Variants in DZIP3 observed in about 807,000 individuals in gnomAD.
The protein encoded by DZIP3 is E3 ubiquitin-protein ligase DZIP3.
In DZIP3, 118 loss-of-function variants were observed where a neutral mutation model predicts 162.0. The ratio of observed to expected loss-of-function variants is 0.73; its 90% confidence interval spans 0.63 to 0.85. DZIP3 has a LOEUF of 0.85. Ranked by LOEUF, DZIP3 falls within the 40% of genes least tolerant of loss-of-function variation. The pLI is 0.00. For synonymous variants in DZIP3, 438 were observed against 458.6 expected (o/e 0.96, Z 0.57); for missense variants, 1,331 against 1,407.0 (o/e 0.95, Z 0.86).
At position 108,693,384 on chromosome 3, in the gene DZIP3, A is replaced by G. The variant is rs1044558358; in HGVS notation, c.*31A>G. 6 of 152,100 alleles carry G rather than the reference A, an allele frequency of 3.9e-5. No individual in the cohort carries two copies. Among genetic ancestry groups the G allele is most frequent in the African/African-American group, 7.2e-5 (3 of 41,422 alleles). 9.4% of individuals were successfully genotyped at this position (152,100 alleles called of 1,614,324 possible). A position where few individuals can be genotyped will look rare whatever the true frequency, so the allele number is the denominator to read the frequency against. ...GGTACCCATGAAGAGATTATGAACT[A>G]CTTGAAGGTGGAGACTGTACGGTGG... On this transcript the variant is annotated 3_prime_UTR_variant, in exon 33 of 33. Transcript: ENST00000361582.
At chr3:108,634,147 CTAT>C (rs1393267554) in intron 9 of DZIP3, among the ~76,000 whole-genome samples, 1 of 152,036 alleles carries the variant, frequency 6.6e-6, no homozygotes. Flanking sequence ...AGACCAAGAT[CTAT>C]TCAATAGAAT....
chr3:108,634,955 C>G lies in DZIP3; in HGVS notation c.901C>G (p.Pro301Ala), dbSNP rs764009233. 5.0e-6 allele frequency: 8 copies of G among 1,602,060 alleles called. No homozygotes were observed. In the Admixed American group the frequency reaches 1.0e-4, roughly 20 times the overall value. ...CWKKFKNLKY[P>A]GENDQSFSGK... ...GAAAAAGTTCAAGAATTTAAAGTAT[C>G]CAGGTGAAAATGATCAGGTATTATA... is the stretch of plus-strand genomic sequence containing the variant. The change falls in exon 10 of 33, where the codon CCA becomes GCA. Residue 301 changes from proline to alanine, a missense_variant. Coordinates refer to ENST00000361582, the MANE Select transcript of DZIP3 (RefSeq NM_014648.4).
At chr3:108,609,919 T>C (rs1184502146) in intron 3 of DZIP3, among the ~76,000 whole-genome samples, 1 of 152,216 alleles carries the variant, frequency 6.6e-6, no homozygotes, top group Non-Finnish European at 1.5e-5. Context: ...TGTTAATTAG[T>C]ATCCGATGAT....
At chr3:108,657,523 A>C (rs371891064) in intron 19 of DZIP3, among the ~76,000 whole-genome samples, 3 of 152,246 alleles carry the variant, frequency 2.0e-5, no homozygotes, top group Admixed American at 2.0e-4. Context: ...CAGTACCAGC[A>C]ACTGCAAAAA....
At chr3:108,628,998 C>T (rs1301975944) in intron 7 of DZIP3, 64 bp from the exon 8 acceptor site, 11 of 982,592 alleles carry the variant, frequency 1.1e-5, no homozygotes, top group African/African-American at 3.4e-5. Flanking sequence ...TTTGTTGTCT[C>T]ATTGGTAAAC....
intron 3 of DZIP3, among the ~76,000 whole-genome samples, chr3:108,609,353 G>A (rs990349495): frequency 3.3e-5 from 5 of 152,186 alleles, no homozygotes; most frequent in African/African-American, 1.2e-4. Flanking sequence ...ATATGCACAT[G>A]TATGTAGGGT....
intron 4 of DZIP3, among the ~76,000 whole-genome samples, chr3:108,614,062 C>T (rs1234470811): frequency 6.6e-6 from 1 of 152,084 alleles, no homozygotes; most frequent in Non-Finnish European, 1.5e-5. Context: ...CTAAGCATGA[C>T]ATTCAAGAAG....
At chr3:108,597,851 C>T (rs922851025) in intron 1 of DZIP3, among the ~76,000 whole-genome samples, 1 of 152,092 alleles carries the variant, frequency 6.6e-6, no homozygotes, top group Non-Finnish European at 1.5e-5. Flanking sequence ...CTTATATTTT[C>T]AGCATATTCT....
intron 8 of DZIP3, among the ~76,000 whole-genome samples, chr3:108,630,344 T>C (rs1362904054): frequency 6.6e-6 from 1 of 152,090 alleles, no homozygotes; most frequent in Non-Finnish European, 1.5e-5. Flanking sequence ...CCAAAAGCAT[T>C]ACTCAAAATA....
intron 17 of DZIP3, among the ~76,000 whole-genome samples, chr3:108,649,300 C>T (rs896123843): frequency 6.6e-5 from 10 of 151,836 alleles, no homozygotes; most frequent in African/African-American, 2.2e-4. Context: ...TTTGTCATGT[C>T]TTTATTGATA....
chr3:108,593,772 G>A (rs996843304), intron 1 of DZIP3, among the ~76,000 whole-genome samples: 3 of 150,886 alleles, frequency 2.0e-5, no homozygotes, highest in African/African-American at 7.3e-5. Context: ...ACCTCCCCGG[G>A]CTTATCTTCC....
intron 3 of DZIP3, 149 bp from the exon 4 acceptor site, chr3:108,611,025 C>T: frequency 1.6e-6 from 1 of 644,938 alleles, no homozygotes; most frequent in Non-Finnish European, 2.5e-6. Flanking sequence ...TATTATTCTT[C>T]CTTAGATTTT....
At chr3:108,658,279 T>A (rs1450552803) in intron 19 of DZIP3, among the ~76,000 whole-genome samples, 2 of 152,162 alleles carry the variant, frequency 1.3e-5, no homozygotes, top group Non-Finnish European at 2.9e-5. Flanking sequence ...ACAGAAATTA[T>A]AACAAACTGT....
chr3:108,619,143 A>G (rs1452258950), intron 5 of DZIP3, among the ~76,000 whole-genome samples: 1 of 148,596 alleles, frequency 6.7e-6, no homozygotes, highest in Non-Finnish European at 1.5e-5. Flanking sequence ...AATCTTGTTT[A>G]TGGTATGGGG....
At position 108,611,232 on chromosome 3, in the gene DZIP3, TGAA is replaced by T; in HGVS notation, c.166_168del (p.Lys56del). 6.2e-7 allele frequency: 1 copy of T among 1,612,460 alleles called. No homozygotes were observed. Among genetic ancestry groups the T allele is most frequent in the Non-Finnish European group, 8.5e-7 (1 of 1,179,490 alleles). On this transcript the variant is annotated inframe_deletion, in exon 4 of 33. Transcript: ENST00000361582. Reference sequence around the variant, plus strand: ...GTCCCTGTTAACCTACTATTAGAAGTGAAGAAGTTATTAAATGCAATTAATACT... The same window carrying T: ...GTCCCTGTTAACCTACTATTAGAAGTGAAGTTATTAAATGCAATTAATACT...
intron 4 of DZIP3, 132 bp downstream of exon 4, chr3:108,611,461 G>T (rs563287743): frequency 1.4e-5 from 16 of 1,103,788 alleles, no homozygotes; most frequent in Non-Finnish European, 2.1e-5. Flanking sequence ...TCTTGTAAAG[G>T]GCTTTGTTGT....
At chr3:108,658,569 C>A (rs912459425) in intron 19 of DZIP3, among the ~76,000 whole-genome samples, 28 of 152,104 alleles carry the variant, frequency 1.8e-4, no homozygotes, top group Middle Eastern at 6.8e-3. Context: ...CCTAACATCA[C>A]AATTAAAAGA....
Position 108,644,253 on chromosome 3 carries a change from A to G in DZIP3, c.1231A>G (p.Ile411Val), listed in dbSNP as rs1942521648. ...IISGTDIVRQ[I>V]FDEAMPPPLL... ...TTCTGGTACTGACATTGTTCGACAAATATTTGATGAGGCTATGCCACCTCC... is the reference window on the plus strand; with the variant it reads ...TTCTGGTACTGACATTGTTCGACAAGTATTTGATGAGGCTATGCCACCTCC... Residue 411 changes from isoleucine to valine, a missense_variant, in exon 14 of 33, where the codon ATA (isoleucine) becomes GTA (valine). Physicochemically the swap from Ile to Val is conservative, Grantham distance 29. Around this residue, in one of 2 missense-constraint regions of DZIP3, gnomAD observed 1,278 missense variants for 1,317.1 expected, o/e 0.97. Coordinates refer to ENST00000361582, the MANE Select transcript of DZIP3 (RefSeq NM_014648.4). 1.9e-6 allele frequency: 3 copies of G among 1,613,854 alleles called. No homozygotes were observed. Among genetic ancestry groups the G allele is most frequent in the Non-Finnish European group, 2.5e-6 (3 of 1,179,920 alleles).
chr3:108,624,942 T>G (rs190687786), intron 6 of DZIP3, among the ~76,000 whole-genome samples: 1 of 152,282 alleles, frequency 6.6e-6, no homozygotes, highest in Admixed American at 6.5e-5. Context: ...AGCTTTGATA[T>G]TTCTCTTATT....
Sources: gnomAD v4.1 joint callset for allele counts (sites outside exome capture counted in the v4.1 genomes callset) on GRCh38, gnomAD v4.1.1 for gene constraint, gnomAD v4.1.1 regional missense constraint, MANE v1.5 for transcripts, NCBI Gene and HGNC (gene_info 2026-07-23, HGNC 2026-07-21) for gene names.